Variants in PIEZO1 observed in about 807,000 individuals in gnomAD.
PIEZO1 encodes the protein piezo type mechanosensitive ion channel component 1 (Er blood group), also known as piezo-type mechanosensitive ion channel component 1.
A neutral mutation model predicts 297.2 loss-of-function variants in PIEZO1; 296 were observed. The observed-to-expected ratio is 1.00, with a 90% CI of 0.91 to 1.10. PIEZO1 has a LOEUF of 1.10. PIEZO1 is among the 50% of genes least tolerant of loss of function. The pLI is 0.00. For missense variants in PIEZO1, 5,018 were observed against 3,455.5 expected (o/e 1.45, Z -11.34); for synonymous variants, 2,427 against 1,507.5 (o/e 1.61, Z -14.13).
chr16:88,733,307 G>A lies in PIEZO1; in HGVS notation c.2635C>T (p.Pro879Ser), dbSNP rs1351914303. 2 of 1,548,260 alleles carry A rather than the reference G, an allele frequency of 1.3e-6. No homozygotes were observed. The highest frequency in any genetic ancestry group is 8.7e-7 in the Non-Finnish European group (1 of 1,145,294). ...KMLYQLKVVN[P>S]QEYSSNCTEP... ...GTGCAGTTGCTGGAATACTCCTGGG[G>A]GTTGACAACCTTGAGCTGGTACAGC... Residue 879 changes from proline (P) to serine (S), a missense_variant, in exon 19 of 51, where the codon CCC becomes TCC. Coordinates refer to ENST00000301015, the MANE Select transcript of PIEZO1 (RefSeq NM_001142864.4).
intron 1 of PIEZO1, among the ~76,000 whole-genome samples, chr16:88,761,563 G>C (rs1161794534): frequency 6.6e-6 from 1 of 152,186 alleles, no homozygotes; most frequent in Non-Finnish European, 1.5e-5. Context: ...AGGTGCCTTT[G>C]CGTTCTCCCC....
At chr16:88,736,109 C>G in intron 12 of PIEZO1, 39 bp downstream of exon 12, 3 of 1,510,512 alleles carry the variant, frequency 2.0e-6, no homozygotes, top group Non-Finnish European at 2.7e-6. Flanking sequence ...GATGGGTCTG[C>G]GCACCCAGGC....
rs1352936499 is a variant in PIEZO1, at chr16:88,785,028, G to A, written c.-64C>T. 26 of 1,004,546 alleles carry A rather than the reference G, an allele frequency of 2.6e-5. No individual in the cohort carries two copies. The highest frequency in any genetic ancestry group is 2.9e-5 in the Non-Finnish European group (23 of 795,376). 62.2% of individuals were successfully genotyped at this position (1,004,546 alleles called of 1,614,324 possible). ...GCCGCGGCGCTATGGGGCGGTGCGG[G>A]GGCCCCGGGGCCGGCGCGCCATGGC... On this transcript the variant is annotated 5_prime_UTR_variant, in exon 1 of 51. Transcript: ENST00000301015.
At chr16:88,728,022 C>G (rs1904580419) in intron 22 of PIEZO1, among the ~76,000 whole-genome samples, 1 of 152,244 alleles carries the variant, frequency 6.6e-6, no homozygotes, top group African/African-American at 2.4e-5. Context: ...ACGCCTGCAG[C>G]CAGGAAAAGT....
chr16:88,746,060 C>T (rs1906038074), intron 2 of PIEZO1, among the ~76,000 whole-genome samples: 2 of 150,376 alleles, frequency 1.3e-5, no homozygotes, highest in Non-Finnish European at 3.0e-5. Flanking sequence ...GCATGGGAGC[C>T]CCCTGGAACC....
At chr16:88,772,894 G>A (rs904138857) in intron 1 of PIEZO1, among the ~76,000 whole-genome samples, 8 of 152,162 alleles carry the variant, frequency 5.3e-5, no homozygotes, top group African/African-American at 1.9e-4. Context: ...TCCTGAGGCC[G>A]CAGGCTGGGG....
Position 88,733,985 on chromosome 16 carries a change from C to T in PIEZO1, c.2250G>A (p.Glu750=), listed in dbSNP as rs754034485. The change falls in exon 17 of 51, where the codon GAG becomes GAA. Residue 750 remains glutamate (E), a synonymous_variant. Coordinates refer to ENST00000301015, the MANE Select transcript of PIEZO1 (RefSeq NM_001142864.4). ...TGGAGTCCTCCTCCTCCTCCTCCTC[C>T]TCCTGCTGCTGCTGCTGATGCTCCT... ...EQQEHQQQQQ[E]EEEEEEDSRD... The T allele has an allele frequency of 7.1e-7, 1 of 1,413,566 alleles. No homozygotes were observed. The highest frequency in any genetic ancestry group is 9.7e-7 in the Non-Finnish European group (1 of 1,026,930). 87.6% of individuals were successfully genotyped at this position (1,413,566 alleles called of 1,614,324 possible). A position where few individuals can be genotyped will look rare whatever the true frequency, so the allele number is the denominator to read the frequency against.
intron 1 of PIEZO1, among the ~76,000 whole-genome samples, chr16:88,776,049 C>T (rs922386171): frequency 1.3e-5 from 2 of 152,206 alleles, no homozygotes; most frequent in Admixed American, 6.5e-5. Flanking sequence ...GCCAGGCCCA[C>T]GGGCTACAAG....
At chr16:88,746,326 C>T (rs1906055219) in intron 2 of PIEZO1, among the ~76,000 whole-genome samples, 1 of 152,150 alleles carries the variant, frequency 6.6e-6, no homozygotes, top group African/African-American at 2.4e-5. Flanking sequence ...CAGGGTCAGT[C>T]TTGGAGGTGG....
At chr16:88,743,325 C>A (rs1308693739) in intron 2 of PIEZO1, 1 of 455,636 alleles carries the variant, frequency 2.2e-6, no homozygotes, top group Non-Finnish European at 4.4e-6. Flanking sequence ...GTTCTGAGTC[C>A]TGACAGGGCT....
Position 88,717,072 on chromosome 16 carries a change from A to G in PIEZO1, c.6611T>C (p.Val2204Ala). 6.4e-7 allele frequency: 1 copy of G among 1,551,028 alleles called. No individual in the cohort carries two copies. Among genetic ancestry groups the G allele is most frequent in the South Asian group, 1.2e-5 (1 of 84,064 alleles). ...MSLVRSVVGVVNQPIDVTVTL... is the reference protein window; with the variant it reads ...MSLVRSVVGVANQPIDVTVTL... ...GACGGTGACATCGATGGGCTGGTTG[A>G]CAACCCCAACCACGGAGCGCACCAG... Residue 2204 changes from valine (V) to alanine (A), a missense_variant, in exon 45 of 51, where the codon GTC becomes GCC. Val to Ala is a moderately conservative substitution (Grantham distance 64). Transcript: ENST00000301015.
Position 88,716,552 on chromosome 16 carries a change from G to A in PIEZO1, c.6926+7C>T. 1 of 1,541,130 alleles carries A rather than the reference G, an allele frequency of 6.5e-7. No individual in the cohort carries two copies. Among genetic ancestry groups the A allele is most frequent in the Non-Finnish European group, 8.8e-7 (1 of 1,140,912 alleles). ...CACCCAGGCACTGCCCCAAGTCCAG[G>A]ACGAACCTCTGGAAGTTCCAGGTGA... On this transcript the variant is annotated splice_region_variant and intron_variant, in intron 47 of 50. Transcript: ENST00000301015.
Position 88,726,421 on chromosome 16 carries a change from C to G in PIEZO1, c.3831G>C (p.Leu1277=). ...TGATGCCAGCCTCCTCCACAGGCAG[C>G]AGGCAGTCCTGGTCTCTGTCCATCA... is the stretch of plus-strand genomic sequence containing the variant. The part of the protein sequence containing the change: ...KEMMDRDQDC[L]LPVEEAGIIW... Residue 1277 remains leucine, a synonymous_variant, in exon 27 of 51, where the codon CTG becomes CTC. Coordinates refer to ENST00000301015, the MANE Select transcript of PIEZO1 (RefSeq NM_001142864.4). 2 of 1,550,496 alleles carry G rather than the reference C, an allele frequency of 1.3e-6. No homozygotes were observed. Among genetic ancestry groups the G allele is most frequent in the Non-Finnish European group, 1.7e-6 (2 of 1,146,904 alleles).
intron 27 of PIEZO1, 114 bp from the exon 28 acceptor site, chr16:88,725,798 C>A: frequency 1.5e-6 from 1 of 663,512 alleles, no homozygotes; most frequent in Non-Finnish European, 2.7e-6. Context: ...TCTGCCCACG[C>A]TGGACAAGAG....
rs894797469 is a variant in PIEZO1 at position 88,764,666 on chromosome 16, G to A, written c.65-15187C>T. Among the ~76,000 whole-genome samples, 9 of 150,770 alleles carry A rather than the reference G, an allele frequency of 6.0e-5. No homozygotes were observed. The East Asian group carries it at 7.8e-4, about 13-fold the overall frequency. The stretch of plus-strand genomic sequence containing the variant: ...CTCGGGAGGCTGAGGCAGGAGAATC[G>A]CTTGAACCTGGGAGCCTGGGATCCC... On this transcript the variant is annotated intron_variant, in intron 1 of 50. Coordinates refer to ENST00000301015, the MANE Select transcript of PIEZO1 (RefSeq NM_001142864.4).
At chr16:88,779,933 C>T (rs1398626782) in intron 1 of PIEZO1, among the ~76,000 whole-genome samples, 4 of 152,258 alleles carry the variant, frequency 2.6e-5, no homozygotes, top group African/African-American at 7.2e-5. Context: ...CCCCTACCCC[C>T]ACCCAGCCTG....
chr16:88,731,874 G>C lies in PIEZO1; in HGVS notation c.3028C>G (p.Arg1010Gly), dbSNP rs757180228. ...FLMAVNVIGQRMNFLVTLHGC... is the reference protein window; with the variant it reads ...FLMAVNVIGQGMNFLVTLHGC... ...TGCAGGGTCACCAGAAAGTTCATGC[G>C]CTGCCCGATCACGTTCACGGCCATC... is the stretch of plus-strand genomic sequence containing the variant. The change falls in exon 22 of 51, where the codon CGC becomes GGC. Residue 1010 changes from arginine to glycine, a missense_variant. Physicochemically the swap from Arg to Gly is moderately radical, Grantham distance 125 (BLOSUM62 -2). Coordinates refer to ENST00000301015, the MANE Select transcript of PIEZO1 (RefSeq NM_001142864.4). 7.5e-6 allele frequency: 9 copies of C among 1,200,316 alleles called. No individual in the cohort carries two copies. The highest frequency in any genetic ancestry group is 9.5e-6 in the Non-Finnish European group (9 of 952,144). The allele number at this position is 1,200,316 out of a possible 1,614,324, so 74.4% of individuals were successfully genotyped here.
chr16:88,742,446 G>A (rs1475417485), intron 2 of PIEZO1, 24 bp from the exon 3 acceptor site: 10 of 1,532,758 alleles, frequency 6.5e-6, no homozygotes, highest in Non-Finnish European at 7.9e-6. Flanking sequence ...AGTGGGTGAG[G>A]CTGGTCCCGG....
At chr16:88,718,679 A>AC (rs2142756517) in intron 44 of PIEZO1, 1 of 152,362 alleles carries the variant, frequency 6.6e-6, no homozygotes, top group South Asian at 2.1e-4. Flanking sequence ...GGGAGGGGAA[A>AC]CCGAGTGACA....
Sources: gnomAD v4.1 joint callset for allele counts (sites outside exome capture counted in the v4.1 genomes callset) on GRCh38, gnomAD v4.1.1 for gene constraint, MANE v1.5 for transcripts, NCBI Gene and HGNC (gene_info 2026-07-23, HGNC 2026-07-21) for gene names.